STPG2: variants seen among roughly 807,000 people sequenced by gnomAD.
STPG2 encodes the protein sperm tail PG-rich repeat containing 2.
Under a neutral mutation model 54.2 loss-of-function variants are expected in STPG2, and 56 were observed. The ratio of observed to expected loss-of-function variants is 1.03; its 90% confidence interval spans 0.83 to 1.29. The LOEUF (loss-of-function observed/expected upper bound fraction) is 1.29, where lower values mean the gene tolerates loss of function less well. STPG2 is among the 50% of genes most tolerant of loss of function. The pLI, the probability that STPG2 is intolerant of heterozygous loss-of-function variation, is 0.00. For missense variants in STPG2, 596 were observed against 544.9 expected, an observed-to-expected ratio of 1.09 and a Z score of -0.93; for synonymous variants, 200 against 181.8, an observed-to-expected ratio of 1.10 and a Z score of -0.81.
intron 8 of STPG2, among the ~76,000 whole-genome samples, chr4:97,918,451 A>T (rs767390175): frequency 3.0e-4 from 45 of 152,158 alleles, no homozygotes; most frequent in Non-Finnish European, 7.4e-5. Flanking sequence ...TCACACACAC[A>T]TACACACACA....
intron 9 of STPG2, among the ~76,000 whole-genome samples, chr4:97,793,915 A>G (rs1727085981): frequency 6.6e-6 from 1 of 152,228 alleles, no homozygotes; most frequent in South Asian, 2.1e-4. Flanking sequence ...TTCAATAAAA[A>G]GAAAGAGATA....
chr4:97,955,585 C>T (rs542674610), intron 7 of STPG2, among the ~76,000 whole-genome samples: 2 of 152,018 alleles, frequency 1.3e-5, no homozygotes, highest in African/African-American at 2.4e-5. Flanking sequence ...ATGAGAGTCT[C>T]AGAAAGACAG....
At chr4:97,927,536 T>C (rs1203696398) in intron 8 of STPG2, among the ~76,000 whole-genome samples, 1 of 152,146 alleles carries the variant, frequency 6.6e-6, no homozygotes, top group Non-Finnish European at 1.5e-5. Flanking sequence ...ACAATAGTGA[T>C]TACATTTTTT....
At chr4:98,092,011 A>C (rs1405700304) in intron 5 of STPG2, among the ~76,000 whole-genome samples, 1 of 152,046 alleles carries the variant, frequency 6.6e-6, no homozygotes, top group Non-Finnish European at 1.5e-5. Flanking sequence ...TTAAAATTTT[A>C]CCATGAATGA....
chr4:97,605,479 G>T (rs993176953), intron 10 of STPG2, among the ~76,000 whole-genome samples: 9 of 151,604 alleles, frequency 5.9e-5, no homozygotes, highest in African/African-American at 1.9e-4. Flanking sequence ...ATAGATTTGG[G>T]ACTAAGATCC....
At chr4:97,670,130 G>C (rs895428436) in intron 10 of STPG2, among the ~76,000 whole-genome samples, 2 of 151,734 alleles carry the variant, frequency 1.3e-5, no homozygotes, top group African/African-American at 4.8e-5. Flanking sequence ...AACATTTTTT[G>C]ATGAGCAATA....
chr4:97,476,170 G>A (rs1289751613), intron 4 of STPG2, among the ~76,000 whole-genome samples: 1 of 152,032 alleles, frequency 6.6e-6, no homozygotes, highest in Non-Finnish European at 1.5e-5. Flanking sequence ...TTCCTATACA[G>A]CATTGTGGCA....
chr4:97,954,064 A>G (rs783953), intron 7 of STPG2, among the ~76,000 whole-genome samples: 127,497 of 152,192 alleles, frequency 0.84, 53,583 homozygotes, highest in Middle Eastern at 0.94. Flanking sequence ...AGTTTTTAGT[A>G]CTTAGGAGGT....
At chr4:97,884,022 T>G (rs184151258) in intron 8 of STPG2, among the ~76,000 whole-genome samples, 1 of 152,056 alleles carries the variant, frequency 6.6e-6, no homozygotes, top group Non-Finnish European at 1.5e-5. Flanking sequence ...GGAGAAGTGC[T>G]CTGCACACTC....
At chr4:98,062,423 T>G (rs1737689223) in intron 5 of STPG2, among the ~76,000 whole-genome samples, 1 of 151,994 alleles carries the variant, frequency 6.6e-6, no homozygotes, top group South Asian at 2.1e-4. Flanking sequence ...GTAACAAACT[T>G]TCGCATGTAC....
At chr4:97,850,581 A>G (rs1729127021) in intron 8 of STPG2, among the ~76,000 whole-genome samples, 1 of 151,922 alleles carries the variant, frequency 6.6e-6, no homozygotes, top group African/African-American at 2.4e-5. Flanking sequence ...CATTATTTAT[A>G]TTTCTGATCC....
intron 8 of STPG2, among the ~76,000 whole-genome samples, chr4:97,846,250 A>C (rs1221422454): frequency 2.0e-5 from 3 of 152,088 alleles, no homozygotes; most frequent in African/African-American, 7.2e-5. Flanking sequence ...AATCTAAATG[A>C]GATACAAAGC....
chr4:98,046,573 G>T (rs1737135925), intron 5 of STPG2, among the ~76,000 whole-genome samples: 1 of 152,128 alleles, frequency 6.6e-6, no homozygotes, highest in Admixed American at 6.5e-5. Context: ...GGAGATTAGG[G>T]TGTGCCAAGC....
chr4:97,643,111 C>A (rs1721810919), intron 10 of STPG2, among the ~76,000 whole-genome samples: 1 of 151,472 alleles, frequency 6.6e-6, no homozygotes, highest in East Asian at 1.9e-4. Context: ...CATTATATAA[C>A]AGACATTTAC....
At chr4:97,634,541 T>G (rs1229255416) in intron 10 of STPG2, among the ~76,000 whole-genome samples, 1 of 151,702 alleles carries the variant, frequency 6.6e-6, no homozygotes, top group African/African-American at 2.4e-5. Context: ...CAAATTACTC[T>G]GAGCTACGGG....
chr4:97,840,731 G>T (rs777214435), intron 9 of STPG2, 42 bp downstream of exon 9: 2 of 1,563,324 alleles, frequency 1.3e-6, no homozygotes, highest in Non-Finnish European at 1.7e-6. Flanking sequence ...GGAAACCTTA[G>T]AATTTTTTTC....
At chr4:98,026,321 GAA>G in intron 5 of STPG2, 2 of 554,708 alleles carry the variant, frequency 3.6e-6, no homozygotes, top group Admixed American at 3.2e-5. Context: ...AGTATGGACA[GAA>G]AAAAAAATGG....
chr4:97,849,769 C>T lies in STPG2; in HGVS notation c.1045-8837G>A, dbSNP rs558257427. 9.2e-5 allele frequency among the ~76,000 whole-genome samples: 14 copies of T among 151,648 alleles called. No homozygotes were observed. The South Asian group carries it at 2.7e-3, about 29-fold the overall frequency. On this transcript the variant is annotated intron_variant, in intron 8 of 10. Coordinates refer to ENST00000295268, the MANE Select transcript of STPG2 (RefSeq NM_174952.3). ...TGGCAAGCATTAAAAAGTCAGGAAA[C>T]AACAGGTGCTGGAGAGGATGTGGAG...
At chr4:98,087,560 C>CTTTTTTTTTTTTT (rs70955916) in intron 5 of STPG2, among the ~76,000 whole-genome samples, 2 of 132,284 alleles carry the variant, frequency 1.5e-5, no homozygotes, top group Admixed American at 7.7e-5. Flanking sequence ...CTCTTTTTTT[C>CTTTTTTTTTTTTT]TTTTTTTTTT....
Sources: gnomAD v4.1 joint callset for allele counts (sites outside exome capture counted in the v4.1 genomes callset) on GRCh38, gnomAD v4.1.1 for gene constraint, MANE v1.5 for transcripts, NCBI Gene and HGNC (gene_info 2026-07-23, HGNC 2026-07-21) for gene names.